USP45: variants seen among roughly 807,000 people sequenced by gnomAD.
USP45 encodes the protein ubiquitin specific peptidase 45.
Under a neutral mutation model 95.8 loss-of-function variants are expected in USP45, and 89 were observed. The ratio of observed to expected loss-of-function variants is 0.93; its 90% CI spans 0.78 to 1.11. USP45 has a LOEUF of 1.11. USP45 is among the 50% of genes least tolerant of loss of function. The pLI is 0.00. For synonymous variants in USP45, 281 were observed against 316.2 expected, an observed-to-expected ratio of 0.89 and a Z score of 1.18; for missense variants, 898 against 942.5, an observed-to-expected ratio of 0.95 and a Z score of 0.62.
intron 5 of USP45, among the ~76,000 whole-genome samples, chr6:99,491,966 T>C (rs1795274239): frequency 6.6e-6 from 1 of 152,196 alleles, no homozygotes; most frequent in Non-Finnish European, 1.5e-5. Flanking sequence ...AATACATATA[T>C]ACACAGACAC....
chr6:99,468,207 T>C (rs1227209324), intron 10 of USP45: 5 of 464,886 alleles, frequency 1.1e-5, no homozygotes, highest in Non-Finnish European at 2.1e-5. Flanking sequence ...TCCAAACACA[T>C]GTCAAATGAT....
At chr6:99,485,898 T>C (rs967231470) in intron 7 of USP45, among the ~76,000 whole-genome samples, 1 of 152,172 alleles carries the variant, frequency 6.6e-6, no homozygotes, top group Non-Finnish European at 1.5e-5. Flanking sequence ...ATCATCTCAA[T>C]AGATGTGGGA....
At chr6:99,453,130 A>G (rs1402859737) in intron 13 of USP45, among the ~76,000 whole-genome samples, 2 of 151,570 alleles carry the variant, frequency 1.3e-5, no homozygotes, top group Non-Finnish European at 2.9e-5. Context: ...TACATATGTA[A>G]CAAACCTGCA....
At chr6:99,471,498 C>A (rs1789394109) in intron 9 of USP45, among the ~76,000 whole-genome samples, 1 of 152,044 alleles carries the variant, frequency 6.6e-6, no homozygotes, top group South Asian at 2.1e-4. Flanking sequence ...AATATAGTAT[C>A]ATTAATTTAG....
intron 6 of USP45, 87 bp downstream of exon 6, chr6:99,488,594 A>G (rs1164708339): frequency 1.3e-5 from 17 of 1,354,896 alleles, no homozygotes. Context: ...AACATTTAGC[A>G]GTCATTTGAC....
chr6:99,496,448 C>A (rs557839869), intron 5 of USP45, among the ~76,000 whole-genome samples: 21 of 151,860 alleles, frequency 1.4e-4, no homozygotes, highest in South Asian at 6.2e-4. Flanking sequence ...ATAAAACCCA[C>A]ATAATTCATG....
At chr6:99,477,855 G>C (rs1208334266) in intron 8 of USP45, among the ~76,000 whole-genome samples, 1 of 152,180 alleles carries the variant, frequency 6.6e-6, no homozygotes, top group Admixed American at 6.6e-5. Context: ...TCCTAGATTA[G>C]AGATGAGGAC....
Position 99,503,843 on chromosome 6 carries a change from A to G in USP45, c.400T>C (p.Leu134=), listed in dbSNP as rs370374621. The G allele has an allele frequency of 6.2e-5, 99 of 1,591,912 alleles. 1 individual carries two copies. Among genetic ancestry groups the G allele is most frequent in the Admixed American group, 1.2e-4 (7 of 57,788 alleles). ...ACCTTCTTATTACAATGCGTTGATA[A>G]TTTTTCATCACATTCATAACACCTG... The part of the protein sequence containing the change: ...IIWCYECDEK[L]STHCNKKVLA... The change falls in exon 5 of 18, where the codon TTA becomes CTA. Residue 134 remains leucine (L), a synonymous_variant. Coordinates refer to ENST00000500704, the MANE Select transcript of USP45 (RefSeq NM_001346022.3).
intron 6 of USP45, 24 bp from the exon 7 acceptor site, chr6:99,488,319 C>A: frequency 6.7e-7 from 1 of 1,494,254 alleles, no homozygotes; most frequent in African/African-American, 1.4e-5. Flanking sequence ...AAATTAAAGT[C>A]TTCAGATTCA....
intron 8 of USP45, among the ~76,000 whole-genome samples, chr6:99,477,768 A>G (rs988528925): frequency 6.6e-6 from 1 of 152,212 alleles, no homozygotes; most frequent in Non-Finnish European, 1.5e-5. Context: ...GCTAACTAGC[A>G]GCACATAGCA....
At chr6:99,454,503 G>T (rs1784571116) in intron 13 of USP45, among the ~76,000 whole-genome samples, 1 of 152,092 alleles carries the variant, frequency 6.6e-6, no homozygotes, top group African/African-American at 2.4e-5. Flanking sequence ...AGAATGAAGA[G>T]ACCTCCTGTT....
chr6:99,446,009 CAT>C lies in USP45; in HGVS notation c.1761_1762del (p.Cys588PhefsTer11). On this transcript the variant is annotated frameshift_variant, in exon 14 of 18. Transcript: ENST00000500704. LOFTEE classifies it high-confidence loss of function. Reference sequence around the variant, plus strand: ...CCTCAAATGCTTCCCCTCTAAAAAACATAAATTATTTGAAATATTTAGTGGCT... The same window carrying C: ...CCTCAAATGCTTCCCCTCTAAAAAACAAATTATTTGAAATATTTAGTGGCT... 4 of 1,613,990 alleles carry C rather than the reference CAT, an allele frequency of 2.5e-6. No homozygotes were observed. The highest frequency in any genetic ancestry group is 3.4e-6 in the Non-Finnish European group (4 of 1,179,982).
intron 7 of USP45, among the ~76,000 whole-genome samples, chr6:99,483,620 T>G (rs961707828): frequency 6.6e-6 from 1 of 151,386 alleles, no homozygotes; most frequent in African/African-American, 2.4e-5. Context: ...GGGTGGATCA[T>G]GAGGTCAGGA....
chr6:99,444,940 A>T (rs969863268), intron 14 of USP45, among the ~76,000 whole-genome samples: 1 of 152,236 alleles, frequency 6.6e-6, no homozygotes, highest in African/African-American at 2.4e-5. Flanking sequence ...CCTACATTTT[A>T]AAACAAGTAG....
At chr6:99,466,787 G>A (rs912657711) in intron 10 of USP45, 24 bp from the exon 11 acceptor site, 1 of 1,576,520 alleles carries the variant, frequency 6.3e-7, no homozygotes, top group South Asian at 1.1e-5. Context: ...ACTTTTTAAT[G>A]CAAAAAACAT....
Position 99,435,363 on chromosome 6 carries a change from A to AGG in USP45, c.*351_*352dup, listed in dbSNP as rs1412274028. 5 of 167,500 alleles carry AGG rather than the reference A, an allele frequency of 3.0e-5. No homozygotes were observed. In the East Asian group the frequency reaches 8.2e-4, roughly 28 times the overall value. The allele number at this position is 167,500 out of a possible 1,614,324, so 10.4% of individuals were successfully genotyped here. A position where few individuals can be genotyped will look rare whatever the true frequency, so the allele number is the denominator to read the frequency against. The stretch of plus-strand genomic sequence containing the variant: ...AGTTCAGGAAGGTGGCATTACATTT[A>AGG]GGAATCACTGTCTCAAGGAATGATT... On this transcript the variant is annotated 3_prime_UTR_variant, in exon 18 of 18. Coordinates refer to ENST00000500704, the MANE Select transcript of USP45 (RefSeq NM_001346022.3).
Position 99,482,802 on chromosome 6 carries a change from CA to C in USP45, c.795del (p.Glu266LysfsTer40). ...LFLFLHSMKE[T>X]EKGPLSPKVL... ...ACTTTAGGAGAAAGTGGTCCTTTTT[CA>C]GTCTCCTTCATGCTGTGAAGAAACA... On this transcript the variant is annotated frameshift_variant, in exon 8 of 18. Transcript: ENST00000500704. LOFTEE classifies it high-confidence loss of function. The C allele has an allele frequency of 6.2e-7, 1 of 1,605,598 alleles. No individual in the cohort carries two copies. The highest frequency in any genetic ancestry group is 8.5e-7 in the Non-Finnish European group (1 of 1,175,502).
chr6:99,480,888 C>T (rs994779873), intron 8 of USP45, among the ~76,000 whole-genome samples: 5 of 152,066 alleles, frequency 3.3e-5, no homozygotes, highest in African/African-American at 1.2e-4. Flanking sequence ...ATATATTTGT[C>T]TAATGTATAC....
chr6:99,476,933 C>T (rs903133018), intron 8 of USP45, among the ~76,000 whole-genome samples: 2 of 152,278 alleles, frequency 1.3e-5, no homozygotes, highest in Non-Finnish European at 2.9e-5. Context: ...CATGGAGACA[C>T]TGACATAGGA....
Sources: allele counts gnomAD v4.1 joint callset (sites outside exome capture counted in the v4.1 genomes callset), GRCh38; gene constraint gnomAD v4.1.1; transcripts MANE v1.5; gene names NCBI Gene and HGNC (gene_info 2026-07-23, HGNC 2026-07-21).